USH2A: variants seen among roughly 807,000 people sequenced by gnomAD.
USH2A encodes Usher syndrome 2A (autosomal recessive, mild).
In USH2A, 443 loss-of-function variants were observed where a neutral mutation model predicts 538.9. That is an observed-to-expected ratio of 0.82 (90% CI 0.76 to 0.89). The LOEUF (loss-of-function observed/expected upper bound fraction) is 0.89, where lower values mean the gene tolerates loss of function less well. Among genes scored for constraint, USH2A ranks in the 40% least tolerant of loss-of-function variants. The probability of loss-of-function intolerance (pLI) is 0.00; values close to 1 mark genes in which losing one functional copy is unlikely to be tolerated. For synonymous variants in USH2A, 2,413 were observed against 2,273.5 expected (o/e 1.06, Z -1.75); for missense variants, 6,633 against 6,324.8 (o/e 1.05, Z -1.65).
chr1:215,944,754 T>A (rs1209151658), intron 37 of USH2A, among the ~76,000 whole-genome samples: 1 of 152,164 alleles, frequency 6.6e-6, no homozygotes, highest in Admixed American at 6.6e-5. Context: ...ATGGGTTTAC[T>A]ATTTTAACTC....
At chr1:215,652,933 A>AAAG (rs1657125768) in intron 64 of USH2A, among the ~76,000 whole-genome samples, 2 of 152,304 alleles carry the variant, frequency 1.3e-5, no homozygotes, top group Admixed American at 1.3e-4. Flanking sequence ...AGGTATAATA[A>AAAG]AAGAAAAATT....
At position 215,674,466 on chromosome 1, in the gene USH2A, T is replaced by A; in HGVS notation, c.13445A>T (p.Asp4482Val). The part of the protein sequence containing the change: ...GQIRSYELRR[D>V]GTIVYTGLET... ...CAAGCCTGTATATACAATGGTTCCA[T>A]CCCTCCTAAGTTCATAACTTCTGAT... The change falls in exon 63 of 72, where the codon GAT (aspartate) becomes GTT (valine). Residue 4482 changes from aspartate (D) to valine (V), a missense_variant. By Grantham distance (152) the Asp-to-Val change is radical (BLOSUM62 -3). Coordinates refer to ENST00000307340, the MANE Select transcript of USH2A (RefSeq NM_206933.4). The A allele has an allele frequency of 6.2e-7, 1 of 1,614,172 alleles. No homozygotes were observed. The highest frequency in any genetic ancestry group is 8.5e-7 in the Non-Finnish European group (1 of 1,180,030).
At chr1:215,945,333 T>C (rs1468942385) in intron 37 of USH2A, among the ~76,000 whole-genome samples, 1 of 152,158 alleles carries the variant, frequency 6.6e-6, no homozygotes, top group African/African-American at 2.4e-5. Context: ...CTAGGCTGGA[T>C]ACCTTCAAAG....
At chr1:215,975,828 G>A (rs1667606739) in intron 35 of USH2A, among the ~76,000 whole-genome samples, 1 of 151,988 alleles carries the variant, frequency 6.6e-6, no homozygotes, top group Non-Finnish European at 1.5e-5. Flanking sequence ...ATGAATTTTA[G>A]AATAGCTTTT....
chr1:216,195,072 T>C (rs407590), intron 19 of USH2A, among the ~76,000 whole-genome samples: 26,977 of 152,168 alleles, frequency 0.18, 2,757 homozygotes, highest in Non-Finnish European at 0.23. Flanking sequence ...GGCCCTAGCA[T>C]GCTTTCAGGC....
chr1:216,013,195 A>T (rs547102941), intron 32 of USH2A, among the ~76,000 whole-genome samples: 2 of 151,862 alleles, frequency 1.3e-5, no homozygotes, highest in South Asian at 4.2e-4. Flanking sequence ...TTTAATTCAT[A>T]CAAAACTGTA....
At chr1:216,152,738 A>G (rs1021379342) in intron 21 of USH2A, among the ~76,000 whole-genome samples, 1 of 152,186 alleles carries the variant, frequency 6.6e-6, no homozygotes, top group African/African-American at 2.4e-5. Flanking sequence ...GACAGGAGGC[A>G]GGGAAATGCT....
intron 13 of USH2A, among the ~76,000 whole-genome samples, chr1:216,241,114 G>T (rs922773283): frequency 6.6e-6 from 1 of 152,084 alleles, no homozygotes; most frequent in Non-Finnish European, 1.5e-5. Context: ...TCATAATAAA[G>T]AAATCTCTGA....
intron 47 of USH2A, among the ~76,000 whole-genome samples, chr1:215,832,381 C>G (rs901094061): frequency 3.3e-5 from 5 of 151,728 alleles, no homozygotes; most frequent in African/African-American, 1.2e-4. Flanking sequence ...TGAACATTTT[C>G]TATAAGATAA....
chr1:215,678,903 C>T (rs867232384), intron 62 of USH2A, among the ~76,000 whole-genome samples: 27 of 152,134 alleles, frequency 1.8e-4, no homozygotes, highest in African/African-American at 5.5e-4. Flanking sequence ...AATTATGCCA[C>T]CAAGAAGCAG....
At position 215,716,955 on chromosome 1, in the gene USH2A, T is replaced by C. The variant is rs565870850; in HGVS notation, c.12066+11075A>G. ...ATTTTTATCACTTTCCCAAGTGGTA[T>C]GTTTTTGTCTCAAACCTTCACTCTT... On this transcript the variant is annotated intron_variant, in intron 61 of 71. Transcript: ENST00000307340. Among the ~76,000 whole-genome samples the C allele has an allele frequency of 3.3e-5, 5 of 152,286 alleles. No individual in the cohort carries two copies. In the East Asian group the frequency reaches 9.7e-4, roughly 30 times the overall value.
chr1:215,998,994 T>C lies in USH2A; in HGVS notation c.6550A>G (p.Thr2184Ala), dbSNP rs1668201436. The C allele has an allele frequency of 1.2e-6, 2 of 1,612,644 alleles. No individual in the cohort carries two copies. ...ACACTCCAAATTGTAAAATCATGTGTATGGTTTGACATATATAATACATAG... is the reference window on the plus strand; with the variant it reads ...ACACTCCAAATTGTAAAATCATGTGCATGGTTTGACATATATAATACATAG... ...ERYVLYMSNH[T>A]HDFTIWSVIY... Residue 2184 changes from threonine to alanine, a missense_variant, in exon 34 of 72, where the codon ACA becomes GCA. Physicochemically the swap from Thr to Ala is moderately conservative, Grantham distance 58. Transcript: ENST00000307340.
At chr1:216,300,786 T>C (rs1321432420) in intron 9 of USH2A, among the ~76,000 whole-genome samples, 1 of 150,088 alleles carries the variant, frequency 6.7e-6, no homozygotes, top group Non-Finnish European at 1.5e-5. Context: ...AGTCTTGCTC[T>C]GTTGCCCAGG....
chr1:216,274,220 A>G (rs1314772196), intron 11 of USH2A, among the ~76,000 whole-genome samples: 1 of 152,104 alleles, frequency 6.6e-6, no homozygotes, highest in East Asian at 1.9e-4. Flanking sequence ...TGAGCCTCAG[A>G]GAAACATAGC....
intron 64 of USH2A, among the ~76,000 whole-genome samples, chr1:215,652,964 ACT>A (rs765486628): frequency 2.6e-5 from 4 of 152,320 alleles, no homozygotes; most frequent in Non-Finnish European, 5.9e-5. Context: ...CCAATTAATT[ACT>A]GTGCACCAAT....
chr1:216,231,294 G>C lies in USH2A; in HGVS notation c.2993+659C>G, dbSNP rs1182002999. ...TATAATATATATACACAGAGAGACA[G>C]AGAGAGAGAGAGAGAGAGAGAGAAA... On this transcript the variant is annotated intron_variant, in intron 14 of 71. Coordinates refer to ENST00000307340, the MANE Select transcript of USH2A (RefSeq NM_206933.4). Among the ~76,000 whole-genome samples, 237 of 57,654 alleles carry C rather than the reference G, an allele frequency of 4.1e-3. 2 individuals are homozygous for C. The highest frequency in any genetic ancestry group is 0.015 in the African/African-American group (228 of 14,830). 37.8% of individuals were successfully genotyped at this position (57,654 alleles called of 152,430 possible). A position where few individuals can be genotyped will look rare whatever the true frequency, so the allele number is the denominator to read the frequency against.
intron 40 of USH2A, among the ~76,000 whole-genome samples, chr1:215,896,418 A>G (rs1467786741): frequency 2.6e-5 from 4 of 152,122 alleles, no homozygotes; most frequent in African/African-American, 9.7e-5. Context: ...CTGAAATTAG[A>G]TATTCCATAT....
chr1:216,254,137 A>T (rs1033794560), intron 11 of USH2A, among the ~76,000 whole-genome samples: 1 of 152,130 alleles, frequency 6.6e-6, no homozygotes, highest in Non-Finnish European at 1.5e-5. Flanking sequence ...GTTTACTCCC[A>T]TTTCATTAAT....
intron 64 of USH2A, among the ~76,000 whole-genome samples, chr1:215,661,972 C>T (rs949765466): frequency 1.3e-5 from 2 of 152,170 alleles, no homozygotes; most frequent in African/African-American, 4.8e-5. Context: ...TATTCATGGG[C>T]ATCTTTATTT....
Sources: gnomAD v4.1 joint callset for allele counts (sites outside exome capture counted in the v4.1 genomes callset) on GRCh38, gnomAD v4.1.1 for gene constraint, MANE v1.5 for transcripts, NCBI Gene and HGNC (gene_info 2026-07-23, HGNC 2026-07-21) for gene names.